The following AK4 variants were observed in gnomAD, a reference collection of about 807,000 sequenced individuals.
The protein encoded by AK4 is adenylate kinase 4, mitochondrial.
Under a neutral mutation model 24.6 loss-of-function variants are expected in AK4, and 13 were observed. The ratio of observed to expected loss-of-function variants is 0.53; its 90% confidence interval spans 0.34 to 0.84. AK4 has a LOEUF of 0.84. Among genes scored for constraint, AK4 ranks in the 40% least tolerant of loss-of-function variants. The pLI, the probability that AK4 is intolerant of heterozygous loss-of-function variation, is 0.01. For synonymous variants in AK4, 88 were observed against 107.0 expected (o/e 0.82, Z 1.10); for missense variants, 192 against 288.2 (o/e 0.67, Z 2.42).
intron 1 of AK4, among the ~76,000 whole-genome samples, chr1:65,177,364 G>A (rs1251628977): frequency 6.6e-6 from 1 of 152,062 alleles, no homozygotes; most frequent in African/African-American, 2.4e-5. Context: ...TGTCTTTGTT[G>A]TCTTCTTTAG....
At chr1:65,196,462 C>CTTGTT (rs1441019837) in intron 2 of AK4, among the ~76,000 whole-genome samples, 13 of 151,982 alleles carry the variant, frequency 8.6e-5, no homozygotes, top group South Asian at 2.1e-4. Context: ...AAGAAATATT[C>CTTGTT]TTGTTTTGTT....
Position 65,197,360 on chromosome 1 carries a change from T to C in AK4, c.265+6531T>C, listed in dbSNP as rs186612202. Among the ~76,000 whole-genome samples, 4 of 152,342 alleles carry C rather than the reference T, an allele frequency of 2.6e-5. No individual in the cohort carries two copies. In the East Asian group the frequency reaches 7.7e-4, roughly 29 times the overall value. ...TTTAGGGGTAACTATCAAAATATTT[T>C]AAACTGGTATTTCAAAGTTTGGTTT... On this transcript the variant is annotated intron_variant, in intron 2 of 4. Transcript: ENST00000327299.
At chr1:65,181,161 G>C (rs1650891074) in intron 1 of AK4, among the ~76,000 whole-genome samples, 1 of 150,158 alleles carries the variant, frequency 6.7e-6, no homozygotes, top group Non-Finnish European at 1.5e-5. Context: ...GGGTGTGTGG[G>C]TGCTAGAAAC....
chr1:65,185,370 C>CT (rs1476841588), intron 1 of AK4, among the ~76,000 whole-genome samples: 2 of 152,164 alleles, frequency 1.3e-5, no homozygotes, highest in Non-Finnish European at 2.9e-5. Context: ...ATTTCTAAAA[C>CT]TATCTATTTA....
chr1:65,169,885 T>G (rs1488139563), intron 1 of AK4, among the ~76,000 whole-genome samples: 1 of 151,634 alleles, frequency 6.6e-6, no homozygotes, highest in Non-Finnish European at 1.5e-5. Context: ...TTGTTCGGTT[T>G]TGTGTGTGTG....
At chr1:65,200,280 A>C (rs575291081) in intron 2 of AK4, among the ~76,000 whole-genome samples, 4 of 152,112 alleles carry the variant, frequency 2.6e-5, no homozygotes, top group Non-Finnish European at 5.9e-5. Flanking sequence ...TGCCTGGCTA[A>C]TTTTTTGTAT....
intron 2 of AK4, among the ~76,000 whole-genome samples, chr1:65,196,059 A>AT (rs947263693): frequency 6.6e-6 from 1 of 151,908 alleles, no homozygotes; most frequent in African/African-American, 2.4e-5. Context: ...TTCAGTTGCG[A>AT]TTTTTCTTTA....
chr1:65,157,377 C>T (rs1469615231), intron 1 of AK4, among the ~76,000 whole-genome samples: 1 of 152,112 alleles, frequency 6.6e-6, no homozygotes, highest in Non-Finnish European at 1.5e-5. Context: ...TGTTTGAGTG[C>T]CAGGCAATCT....
intron 1 of AK4, among the ~76,000 whole-genome samples, chr1:65,164,459 A>G (rs192409002): frequency 6.6e-6 from 1 of 152,132 alleles, no homozygotes; most frequent in East Asian, 1.9e-4. Flanking sequence ...TAGCTACCCT[A>G]TTGAGTATAA....
intron 2 of AK4, among the ~76,000 whole-genome samples, chr1:65,218,311 G>A (rs1652192757): frequency 6.6e-6 from 1 of 152,230 alleles, no homozygotes; most frequent in Non-Finnish European, 1.5e-5. Flanking sequence ...TGGAGGTGAT[G>A]TAACTTGCCT....
At chr1:65,203,466 C>G (rs926132164) in intron 2 of AK4, among the ~76,000 whole-genome samples, 5 of 152,042 alleles carry the variant, frequency 3.3e-5, no homozygotes, top group African/African-American at 1.2e-4. Flanking sequence ...GAATAAGGAT[C>G]AACATATTCA....
At chr1:65,201,184 G>A (rs1651653138) in intron 2 of AK4, among the ~76,000 whole-genome samples, 1 of 152,116 alleles carries the variant, frequency 6.6e-6, no homozygotes, top group South Asian at 2.1e-4. Context: ...TTTTCTCTTA[G>A]TGACTTTTCC....
At chr1:65,189,146 G>T (rs1651205309) in intron 1 of AK4, among the ~76,000 whole-genome samples, 1 of 151,362 alleles carries the variant, frequency 6.6e-6, no homozygotes, top group Non-Finnish European at 1.5e-5. Flanking sequence ...TGTTAGCCAG[G>T]CTGGTCTCGA....
intron 1 of AK4, among the ~76,000 whole-genome samples, chr1:65,174,680 G>C (rs1281710848): frequency 6.6e-6 from 1 of 152,190 alleles, no homozygotes; most frequent in Non-Finnish European, 1.5e-5. Flanking sequence ...ATTGCTTGAG[G>C]AAGTGAGCAA....
At chr1:65,152,576 A>G (rs944909726) in intron 1 of AK4, among the ~76,000 whole-genome samples, 6 of 150,304 alleles carry the variant, frequency 4.0e-5, no homozygotes, top group Non-Finnish European at 7.4e-5. Context: ...CTATTTTTGT[A>G]TTTTTGGTGG....
chr1:65,201,239 C>T (rs1651655595), intron 2 of AK4, among the ~76,000 whole-genome samples: 1 of 152,212 alleles, frequency 6.6e-6, no homozygotes, highest in African/African-American at 2.4e-5. Flanking sequence ...GAGTAGCTGA[C>T]TGAAAAACAT....
At chr1:65,185,624 C>CTT (rs35079324) in intron 1 of AK4, among the ~76,000 whole-genome samples, 2,438 of 136,164 alleles carry the variant, frequency 0.018, 84 homozygotes, top group African/African-American at 0.062. Flanking sequence ...ATATGACCAT[C>CTT]TTTTTTTTTT....
chr1:65,196,051 CA>C (rs1299814872), intron 2 of AK4, among the ~76,000 whole-genome samples: 1 of 152,116 alleles, frequency 6.6e-6, no homozygotes. Context: ...GTCACTTTTT[CA>C]GTTGCGATTT....
chr1:65,198,965 C>A (rs1279325524), intron 2 of AK4, among the ~76,000 whole-genome samples: 1 of 151,554 alleles, frequency 6.6e-6, no homozygotes, highest in African/African-American at 2.4e-5. Flanking sequence ...TCTATACTCA[C>A]AGCTTGTCAG....
Sources: gnomAD v4.1 joint callset for allele counts (sites outside exome capture counted in the v4.1 genomes callset) on GRCh38, gnomAD v4.1.1 for gene constraint, MANE v1.5 for transcripts, NCBI Gene and HGNC (gene_info 2026-07-23, HGNC 2026-07-21) for gene names.